CDH17: variants seen among roughly 807,000 people sequenced by gnomAD.
CDH17 encodes cadherin 17.
A neutral mutation model predicts 86.3 loss-of-function variants in CDH17; 67 were observed. The ratio of observed to expected loss-of-function variants is 0.78; its 90% CI spans 0.64 to 0.95. The LOEUF (loss-of-function observed/expected upper bound fraction) is 0.95. Among genes scored for constraint, CDH17 ranks in the 40% least tolerant of loss-of-function variants. The pLI is 0.00. For synonymous variants in CDH17, 367 were observed against 366.4 expected (o/e 1.00, Z -0.02); for missense variants, 993 against 1,017.6 (o/e 0.98, Z 0.33).
intron 1 of CDH17, chr8:94,201,769 TCATTAGACACCTAGGGACCCCCCG>T: frequency 6.5e-6 from 1 of 153,170 alleles, no homozygotes; most frequent in South Asian, 2.1e-4. Context: ...CTCTGCTCAG[TCATTAGACACCTAGGGACCCCCCG>T]CATCCCAGCA....
intron 15 of CDH17, among the ~76,000 whole-genome samples, chr8:94,145,104 C>A (rs2130590216): frequency 6.6e-6 from 1 of 152,328 alleles, no homozygotes; most frequent in African/African-American, 2.4e-5. Context: ...CTTTCCTTAA[C>A]AACTGAATCA....
rs757844585 is a variant in CDH17 at position 94,170,374 on chromosome 8, A to G, written c.1066+23T>C. The G allele has an allele frequency of 1.9e-6, 3 of 1,612,146 alleles. No individual in the cohort carries two copies. The South Asian group carries it at 3.3e-5, about 18-fold the overall frequency. On this transcript the variant is annotated intron_variant, in intron 9 of 17. Coordinates refer to ENST00000027335, the MANE Select transcript of CDH17 (RefSeq NM_004063.4). ...GAGAAATGGAGGGCAGTTACACAGC[A>G]TTAGGCAGCTCTCATTTCTTACCCA...
At chr8:94,192,861 TA>T (rs145590954) in intron 2 of CDH17, among the ~76,000 whole-genome samples, 1 of 152,350 alleles carries the variant, frequency 6.6e-6, no homozygotes, top group Non-Finnish European at 1.5e-5. Context: ...AACCCTCTGA[TA>T]AATCTATCTC....
At chr8:94,136,206 G>T (rs1354693144) in intron 15 of CDH17, among the ~76,000 whole-genome samples, 6 of 152,174 alleles carry the variant, frequency 3.9e-5, no homozygotes, top group Non-Finnish European at 8.8e-5. Context: ...GGCCTGCCTT[G>T]CTAGATTGGG....
chr8:94,168,916 T>C (rs890245289), intron 9 of CDH17, among the ~76,000 whole-genome samples: 1 of 152,164 alleles, frequency 6.6e-6, no homozygotes, highest in African/African-American at 2.4e-5. Flanking sequence ...TGCCTGTCCT[T>C]TCCTGCTCTG....
At chr8:94,136,129 G>T (rs1367817180) in intron 15 of CDH17, among the ~76,000 whole-genome samples, 1 of 152,064 alleles carries the variant, frequency 6.6e-6, no homozygotes, top group Non-Finnish European at 1.5e-5. Flanking sequence ...ACAATTATGT[G>T]TCTTGGGGTT....
chr8:94,165,747 G>A lies in CDH17; in HGVS notation c.1282+14C>T, dbSNP rs764500241. 1.9e-6 allele frequency: 3 copies of A among 1,539,830 alleles called. No individual in the cohort carries two copies. Among genetic ancestry groups the A allele is most frequent in the Non-Finnish European group, 1.8e-6 (2 of 1,112,368 alleles). ...ACAATGATTTGCACTCAAGACGGTG[G>A]ATATGATACTAACCTTTGTCAGACA... On this transcript the variant is annotated intron_variant, in intron 10 of 17. Coordinates refer to ENST00000027335, the MANE Select transcript of CDH17 (RefSeq NM_004063.4).
intron 10 of CDH17, among the ~76,000 whole-genome samples, chr8:94,163,341 G>C (rs917605862): frequency 1.3e-5 from 2 of 152,214 alleles, no homozygotes; most frequent in Non-Finnish European, 2.9e-5. Context: ...AGCCCAAGGG[G>C]CTGACCTTAT....
intron 15 of CDH17, among the ~76,000 whole-genome samples, chr8:94,140,961 T>C (rs1319669868): frequency 6.8e-6 from 1 of 148,098 alleles, no homozygotes; most frequent in African/African-American, 2.6e-5. Context: ...ATACCAATTT[T>C]ATGCAAACTT....
At chr8:94,207,858 C>G (rs77623247) in intron 1 of CDH17, among the ~76,000 whole-genome samples, 1,877 of 152,310 alleles carry the variant, frequency 0.012, 36 homozygotes, top group African/African-American at 0.043. Flanking sequence ...GTAACTCCAC[C>G]ACCAAGGCCA....
chr8:94,212,704 C>T (rs1392384373), upstream of CDH17, among the ~76,000 whole-genome samples: 3 of 152,194 alleles, frequency 2.0e-5, no homozygotes, highest in African/African-American at 7.2e-5. Flanking sequence ...TAAAGATTTT[C>T]TTCCCCACTA....
At chr8:94,170,612 ATCG>A in intron 8 of CDH17, 65 bp from the exon 9 acceptor site, 1 of 1,542,724 alleles carries the variant, frequency 6.5e-7, no homozygotes, top group East Asian at 2.3e-5. Context: ...AGCAGAGAAA[ATCG>A]TTGTTTCATT....
At chr8:94,150,758 C>G (rs1812840685) in intron 13 of CDH17, among the ~76,000 whole-genome samples, 2 of 152,018 alleles carry the variant, frequency 1.3e-5, no homozygotes, top group South Asian at 4.1e-4. Context: ...CGTCTTTGAC[C>G]AATGGTTTTT....
At chr8:94,139,900 A>C in intron 15 of CDH17, among the ~76,000 whole-genome samples, 1 of 113,274 alleles carries the variant, frequency 8.8e-6, no homozygotes, top group South Asian at 2.5e-4. Context: ...AATAAAAAAT[A>C]AATAAAAAAA....
chr8:94,188,523 C>CT (rs1415621412), intron 3 of CDH17, among the ~76,000 whole-genome samples: 1 of 152,140 alleles, frequency 6.6e-6, no homozygotes, highest in Non-Finnish European at 1.5e-5. Context: ...GGCCAAGTGA[C>CT]TTTCTCAGGG....
At chr8:94,164,875 A>G (rs1025550447) in intron 10 of CDH17, among the ~76,000 whole-genome samples, 1 of 152,176 alleles carries the variant, frequency 6.6e-6, no homozygotes, top group Non-Finnish European at 1.5e-5. Context: ...TTAAGAATGC[A>G]TAGTTTTTAT....
chr8:94,152,766 T>C (rs1171638703), intron 12 of CDH17, among the ~76,000 whole-genome samples: 13 of 152,178 alleles, frequency 8.5e-5, no homozygotes. Flanking sequence ...CCAGCATCTG[T>C]TGAGGACTTT....
rs746859200 is a variant in CDH17 at position 94,146,051 on chromosome 8, C to A, written c.2044G>T (p.Ala682Ser). The A allele has an allele frequency of 1.2e-5, 20 of 1,613,724 alleles. No homozygotes were observed. Among genetic ancestry groups the A allele is most frequent in the Non-Finnish European group, 1.7e-6 (2 of 1,179,906 alleles). ...TGLFFCHPLS[A>S]PGSLIFEATD... ...GCCTCGAAAATGAGACTTCCAGGTG[C>A]ACTGAGGGGATGGCAGAAGAACAAG... The change falls in exon 15 of 18, where the codon GCA becomes TCA. Residue 682 changes from alanine (A) to serine (S), a missense_variant. Ala to Ser is a moderately conservative substitution (Grantham distance 99, BLOSUM62 1). Transcript: ENST00000027335.
intron 15 of CDH17, among the ~76,000 whole-genome samples, chr8:94,134,677 TTAG>T (rs1301471248): frequency 6.6e-6 from 1 of 152,220 alleles, no homozygotes; most frequent in African/African-American, 2.4e-5. Flanking sequence ...TGTTCTGATC[TTAG>T]TTATTTCCTG....
Sources: allele counts gnomAD v4.1 joint callset (sites outside exome capture counted in the v4.1 genomes callset), GRCh38; gene constraint gnomAD v4.1.1; transcripts MANE v1.5; gene names NCBI Gene and HGNC (gene_info 2026-07-23, HGNC 2026-07-21).